Variants in STK3 observed in about 807,000 individuals in gnomAD.
STK3 encodes serine/threonine-protein kinase 3.
Under a neutral mutation model 58.0 loss-of-function variants are expected in STK3, and 41 were observed. That is an observed-to-expected ratio of 0.71 (90% CI 0.55 to 0.92). The LOEUF (loss-of-function observed/expected upper bound fraction) is 0.92, where lower values mean the gene tolerates loss of function less well. STK3 is among the 40% of genes least tolerant of loss of function. STK3 has a pLI of 0.00. For missense variants in STK3, 479 were observed against 602.7 expected (o/e 0.79, Z 2.15); for synonymous variants, 170 against 191.0 (o/e 0.89, Z 0.91).
At chr8:98,738,757 G>A (rs190884206) in intron 4 of STK3, among the ~76,000 whole-genome samples, 10 of 152,344 alleles carry the variant, frequency 6.6e-5, no homozygotes, top group East Asian at 1.9e-4. Context: ...TGGGTGCAGC[G>A]CACCGTGTGC....
intron 6 of STK3, among the ~76,000 whole-genome samples, chr8:98,648,041 C>T (rs746477094): frequency 5.9e-5 from 9 of 152,178 alleles, no homozygotes; most frequent in Non-Finnish European, 1.2e-4. Flanking sequence ...TTCCATCCCT[C>T]CTACTTTCCC....
chr8:98,647,767 G>A (rs1384061423), intron 6 of STK3, among the ~76,000 whole-genome samples: 1 of 152,154 alleles, frequency 6.6e-6, no homozygotes, highest in Non-Finnish European at 1.5e-5. Context: ...TAGGCCTCCT[G>A]AGTAGCTGGG....
intron 10 of STK3, among the ~76,000 whole-genome samples, chr8:98,479,221 CT>C (rs1385966312): frequency 6.6e-6 from 1 of 152,110 alleles, no homozygotes; most frequent in Admixed American, 6.5e-5. Context: ...GGTGCGGTGG[CT>C]CACACCTGCA....
intron 4 of STK3, among the ~76,000 whole-genome samples, chr8:98,745,009 ACACCATTTCAAAGCAAAAC>A (rs1156521597): frequency 6.6e-6 from 1 of 152,190 alleles, no homozygotes; most frequent in Non-Finnish European, 1.5e-5. Context: ...GATAAGAGTG[ACACCATTTCAAAGCAAAAC>A]CACCATAATG....
At chr8:98,687,473 C>T (rs1007647189) in intron 6 of STK3, among the ~76,000 whole-genome samples, 1 of 152,176 alleles carries the variant, frequency 6.6e-6, no homozygotes, top group African/African-American at 2.4e-5. Context: ...CCGCCCACCT[C>T]CAGCTGTGTG....
In STK3 at chr8:98,534,549, T is replaced by C. The variant is rs4551322; in HGVS notation, c.1142-7632A>G. ...AATAAATATGCTAAAAATAAAGATA[T>C]GGTGTCTATGGTGTTCATCTTCAAC... On this transcript the variant is annotated intron_variant, in intron 9 of 10. Coordinates refer to ENST00000419617, the MANE Select transcript of STK3 (RefSeq NM_006281.4). 3.5e-3 allele frequency among the ~76,000 whole-genome samples: 536 copies of C among 152,292 alleles called. 3 individuals are homozygous for C. Among genetic ancestry groups the C allele is most frequent in the African/African-American group, 0.012 (514 of 41,560 alleles).
At chr8:98,675,454 A>T (rs1272400648) in intron 6 of STK3, among the ~76,000 whole-genome samples, 2 of 151,802 alleles carry the variant, frequency 1.3e-5, no homozygotes, top group African/African-American at 2.4e-5. Flanking sequence ...GTATGTCTAT[A>T]AAAAAAATGG....
chr8:98,781,320 A>G (rs1832072166), intron 1 of STK3, among the ~76,000 whole-genome samples: 1 of 152,240 alleles, frequency 6.6e-6, no homozygotes, highest in Non-Finnish European at 1.5e-5. Flanking sequence ...ATTACAGAGT[A>G]TCGGGAGAAG....
At chr8:98,678,040 G>C (rs1456780202) in intron 6 of STK3, among the ~76,000 whole-genome samples, 2 of 152,116 alleles carry the variant, frequency 1.3e-5, no homozygotes, top group Non-Finnish European at 2.9e-5. Context: ...AAAACATTTA[G>C]AATGTTTTCT....
At position 98,614,506 on chromosome 8, in the gene STK3, G is replaced by A. The variant is rs182375900; in HGVS notation, c.685-18337C>T. Among the ~76,000 whole-genome samples the A allele has an allele frequency of 6.8e-3, 1,029 of 152,290 alleles. 8 individuals carry two copies. Among genetic ancestry groups the A allele is most frequent in the African/African-American group, 0.023 (965 of 41,566 alleles). ...CCGGTCTACAGCTCCCAGCGAGAGC[G>A]ATGCAGAAGATGGGTGATTTCTGCA... On this transcript the variant is annotated intron_variant, in intron 6 of 10. Coordinates refer to ENST00000419617, the MANE Select transcript of STK3 (RefSeq NM_006281.4).
chr8:98,525,679 G>T (rs994513802), intron 10 of STK3, among the ~76,000 whole-genome samples: 1 of 151,960 alleles, frequency 6.6e-6, no homozygotes, highest in African/African-American at 2.4e-5. Context: ...ATGTTTGCAA[G>T]CTAACCTGTG....
intron 4 of STK3, among the ~76,000 whole-genome samples, chr8:98,713,845 C>A (rs1375210052): frequency 6.6e-6 from 1 of 152,050 alleles, no homozygotes; most frequent in Non-Finnish European, 1.5e-5. Context: ...AATTTTAGAC[C>A]AATATCCCTG....
intron 4 of STK3, among the ~76,000 whole-genome samples, chr8:98,738,329 T>G (rs530155777): frequency 6.6e-6 from 1 of 151,942 alleles, no homozygotes; most frequent in South Asian, 2.1e-4. Context: ...AAAAATTAGC[T>G]GGGTGTGATA....
At chr8:98,666,433 G>A (rs1822373997) in intron 6 of STK3, among the ~76,000 whole-genome samples, 1 of 152,126 alleles carries the variant, frequency 6.6e-6, no homozygotes, top group South Asian at 2.1e-4. Context: ...GTCTCTGTTA[G>A]TTCTATATAC....
intron 4 of STK3, among the ~76,000 whole-genome samples, chr8:98,744,566 A>G (rs1211202644): frequency 8.6e-6 from 1 of 116,572 alleles, no homozygotes; most frequent in Non-Finnish European, 1.6e-5. Context: ...GGAACATCGC[A>G]CTCTGGGGAC....
chr8:98,707,201 G>A lies in STK3; in HGVS notation c.462C>T (p.Leu154=), dbSNP rs781608825. The A allele has an allele frequency of 2.5e-6, 4 of 1,612,624 alleles. No homozygotes were observed. The highest frequency in any genetic ancestry group is 3.4e-6 in the Non-Finnish European group (4 of 1,179,546). ...HRDIKAGNIL[L]NTEGHAKLAD... ...CCAATTTTGCATGTCCTTCTGTATT[G>A]AGGAGAATATTTCCAGCTTTTATAT... The change falls in exon 5 of 11, where the codon CTC becomes CTT. Residue 154 remains leucine, a synonymous_variant. Coordinates refer to ENST00000419617, the MANE Select transcript of STK3 (RefSeq NM_006281.4).
At chr8:98,740,245 G>A (rs562449012) in intron 4 of STK3, among the ~76,000 whole-genome samples, 16 of 151,902 alleles carry the variant, frequency 1.1e-4, no homozygotes, top group African/African-American at 2.4e-4. Context: ...TACAGAGAAC[G>A]CCACAAAGAT....
intron 4 of STK3, among the ~76,000 whole-genome samples, chr8:98,736,741 TAAAAC>T (rs372903804): frequency 0.036 from 5,469 of 152,256 alleles, 114 homozygotes; most frequent in South Asian, 0.06. Flanking sequence ...TTACTACTCT[TAAAAC>T]AAATTAAAAA....
intron 3 of STK3, chr8:98,429,252 A>G: frequency 6.2e-7 from 1 of 1,614,094 alleles, no homozygotes; most frequent in Non-Finnish European, 8.5e-7. Context: ...GCAACTTGAG[A>G]GTGCCATGCG....
Sources: gnomAD v4.1 joint callset for allele counts (sites outside exome capture counted in the v4.1 genomes callset) on GRCh38, gnomAD v4.1.1 for gene constraint, MANE v1.5 for transcripts, NCBI Gene and HGNC (gene_info 2026-07-23, HGNC 2026-07-21) for gene names.